CACNA1C: variants seen among roughly 807,000 people sequenced by gnomAD.
CACNA1C encodes the protein calcium voltage-gated channel subunit alpha1 C, also known as voltage-dependent L-type calcium channel subunit alpha-1C.
Under a neutral mutation model 229.0 loss-of-function variants are expected in CACNA1C, and 30 were observed. The ratio of observed to expected loss-of-function variants is 0.13; its 90% CI spans 0.10 to 0.18. CACNA1C has a LOEUF of 0.18. Among genes scored for constraint, CACNA1C ranks in the 10% least tolerant of loss-of-function variants. The pLI is 1.00. For missense variants in CACNA1C, 1,658 were observed against 2,845.0 expected (o/e 0.58, Z 9.49); for synonymous variants, 1,114 against 1,132.5 (o/e 0.98, Z 0.33).
At position 2,312,317 on chromosome 12, in the gene CACNA1C, G is replaced by A. The variant is rs148362916; in HGVS notation, c.478-136659G>A. Among the ~76,000 whole-genome samples, 10 of 152,310 alleles carry A rather than the reference G, an allele frequency of 6.6e-5. No homozygotes were observed. In the East Asian group the frequency reaches 1.5e-3, roughly 23 times the overall value. ...GAGAAAGACTTCAGTATCCTGCAGC[G>A]TGGCAGTGGGGCAGGCGTGCGGGTG... On this transcript the variant is annotated intron_variant, in intron 3 of 46. Coordinates refer to ENST00000399655, the MANE Select transcript of CACNA1C (RefSeq NM_000719.7).
intron 31 of CACNA1C, among the ~76,000 whole-genome samples, chr12:2,648,865 A>G (rs2094613321): frequency 6.6e-6 from 1 of 152,146 alleles, no homozygotes; most frequent in Non-Finnish European, 1.5e-5. Context: ...AGAAATTTGC[A>G]GAGGGTACCT....
chr12:2,547,294 T>G (rs1214346711), intron 9 of CACNA1C, among the ~76,000 whole-genome samples: 2 of 152,224 alleles, frequency 1.3e-5, no homozygotes, highest in African/African-American at 4.8e-5. Context: ...TATGTTTTGA[T>G]TTATTGAATT....
At chr12:2,440,932 G>A (rs923125819) in intron 3 of CACNA1C, among the ~76,000 whole-genome samples, 1 of 152,202 alleles carries the variant, frequency 6.6e-6, no homozygotes, top group African/African-American at 2.4e-5. Context: ...GAATACATGG[G>A]AGAAGAATGA....
chr12:2,381,028 C>A (rs1256955981), intron 3 of CACNA1C, among the ~76,000 whole-genome samples: 1 of 152,184 alleles, frequency 6.6e-6, no homozygotes, highest in Non-Finnish European at 1.5e-5. Context: ...GGATGTGGCC[C>A]TTTGCAAGGT....
At chr12:2,401,045 C>T (rs1056494773) in intron 3 of CACNA1C, among the ~76,000 whole-genome samples, 1 of 152,214 alleles carries the variant, frequency 6.6e-6, no homozygotes, top group Non-Finnish European at 1.5e-5. Flanking sequence ...AGAAGCCCCC[C>T]AAGGCTTGGT....
In CACNA1C at chr12:2,115,311, C is replaced by A; in HGVS notation, c.137C>A (p.Pro46Gln). 6.3e-7 allele frequency: 1 copy of A among 1,594,470 alleles called. No individual in the cohort carries two copies. Among genetic ancestry groups the A allele is most frequent in the Non-Finnish European group, 8.5e-7 (1 of 1,172,404 alleles). Residue 46 changes from proline (P) to glutamine (Q), a missense_variant, in exon 2 of 47, where the codon CCG becomes CAG. Coordinates refer to ENST00000399655, the MANE Select transcript of CACNA1C (RefSeq NM_000719.7). ...AGLAPEHIPT[P>Q]GAALSWQAAI... is the part of the protein sequence containing the mutation. Reference sequence around the variant, plus strand: ...CTGGCCCCTGAGCACATCCCCACCCCGGGGGCTGCCCTGTCGTGGCAGGCG... The same window carrying A: ...CTGGCCCCTGAGCACATCCCCACCCAGGGGGCTGCCCTGTCGTGGCAGGCG...
chr12:2,097,901 C>A (rs901831003), intron 1 of CACNA1C, among the ~76,000 whole-genome samples: 2 of 152,128 alleles, frequency 1.3e-5, no homozygotes, highest in African/African-American at 4.8e-5. Context: ...GGGATGAGGC[C>A]GGCTGGAGAG....
rs993195961 is a variant in CACNA1C at position 2,403,346 on chromosome 12, G to A, written c.478-45630G>A. On this transcript the variant is annotated intron_variant, in intron 3 of 46. Coordinates refer to ENST00000399655, the MANE Select transcript of CACNA1C (RefSeq NM_000719.7). This position sits in a 1 kb window ranked among gnomAD's most constrained non-coding sequence, Gnocchi z 4.1. Reference sequence around the variant, plus strand: ...TTGGACGAGTGACTTCCCCTCTTGTGTCAAGGTGCGCTGCAGAGGGATGGC... The same window carrying A: ...TTGGACGAGTGACTTCCCCTCTTGTATCAAGGTGCGCTGCAGAGGGATGGC... Among the ~76,000 whole-genome samples, 4 of 152,136 alleles carry A rather than the reference G, an allele frequency of 2.6e-5. No homozygotes were observed. Among genetic ancestry groups the A allele is most frequent in the Admixed American group, 2.0e-4 (3 of 15,286 alleles).
intron 11 of CACNA1C, among the ~76,000 whole-genome samples, chr12:2,560,038 C>T (rs974768673): frequency 7.9e-5 from 12 of 152,146 alleles, no homozygotes; most frequent in African/African-American, 2.9e-4. Flanking sequence ...GTGTGTTTTT[C>T]CCTTACTGCC....
At chr12:2,621,915 G>A (rs1299735110) in intron 29 of CACNA1C, among the ~76,000 whole-genome samples, 1 of 152,228 alleles carries the variant, frequency 6.6e-6, no homozygotes, top group African/African-American at 2.4e-5. Flanking sequence ...GGCTGGAGAT[G>A]TATTTTAGGA....
intron 1 of CACNA1C, among the ~76,000 whole-genome samples, chr12:2,060,889 T>C (rs2057232668): frequency 1.3e-5 from 2 of 152,254 alleles, no homozygotes; most frequent in Non-Finnish European, 2.9e-5. Flanking sequence ...AAATGTTGAC[T>C]TGAGTACTCA....
intron 1 of CACNA1C, among the ~76,000 whole-genome samples, chr12:2,043,946 C>T (rs1260245539): frequency 3.3e-5 from 5 of 151,998 alleles, no homozygotes; most frequent in African/African-American, 7.3e-5. Flanking sequence ...TGAGCCACCG[C>T]GCCCGGCCAA....
intron 9 of CACNA1C, among the ~76,000 whole-genome samples, chr12:2,544,764 G>A (rs1459334263): frequency 6.6e-6 from 1 of 152,224 alleles, no homozygotes; most frequent in Non-Finnish European, 1.5e-5. Context: ...TAGTTGGTTG[G>A]CGAGAGGTCG....
chr12:2,605,865 T>A lies in CACNA1C; in HGVS notation c.3156+79T>A. The A allele has an allele frequency of 1.0e-6, 1 of 993,956 alleles. No individual in the cohort carries two copies. Among genetic ancestry groups the A allele is most frequent in the Non-Finnish European group, 1.6e-6 (1 of 622,322 alleles). 61.6% of individuals were successfully genotyped at this position (993,956 alleles called of 1,614,324 possible). On this transcript the variant is annotated intron_variant, in intron 24 of 46. Coordinates refer to ENST00000399655, the MANE Select transcript of CACNA1C (RefSeq NM_000719.7). The surrounding 1 kb of genome is among the most constrained non-coding windows in gnomAD (Gnocchi z 6.2). ...TGGGGAAGGGAACTGGCAGATATAG[T>A]ACAAACGAGACAGTGTCCTGAGCCA...
chr12:2,104,402 ATTTT>A (rs2077453629), intron 1 of CACNA1C, among the ~76,000 whole-genome samples: 1 of 152,106 alleles, frequency 6.6e-6, no homozygotes. Flanking sequence ...AATGCTTGTG[ATTTT>A]TGCACATTGA....
intron 3 of CACNA1C, among the ~76,000 whole-genome samples, chr12:2,252,802 C>G (rs747471847): frequency 2.6e-5 from 4 of 151,748 alleles, no homozygotes; most frequent in Non-Finnish European, 5.9e-5. Flanking sequence ...CTTCCCAAGA[C>G]TTTCTTGGGT....
chr12:2,273,749 A>G (rs753100800), intron 3 of CACNA1C, among the ~76,000 whole-genome samples: 3 of 152,206 alleles, frequency 2.0e-5, no homozygotes, highest in Non-Finnish European at 4.4e-5. Context: ...TGAAAGGGCA[A>G]CATAGGGAAA....
chr12:2,058,764 C>T (rs894063708), intron 1 of CACNA1C, among the ~76,000 whole-genome samples: 3 of 152,162 alleles, frequency 2.0e-5, no homozygotes, highest in South Asian at 2.1e-4. Flanking sequence ...GGTGTCATTT[C>T]GAAGCCGGGT....
chr12:2,073,949 G>C (rs1388654896), intron 1 of CACNA1C, among the ~76,000 whole-genome samples: 1 of 152,192 alleles, frequency 6.6e-6, no homozygotes, highest in African/African-American at 2.4e-5. Flanking sequence ...TAAGCTCCTA[G>C]GGGAAAGTGT....
Sources: allele counts gnomAD v4.1 joint callset (sites outside exome capture counted in the v4.1 genomes callset), GRCh38; gene constraint gnomAD v4.1.1; non-coding constraint Gnocchi (gnomAD v3.1); transcripts MANE v1.5; gene names NCBI Gene and HGNC (gene_info 2026-07-23, HGNC 2026-07-21).